The following NFYC variants were observed in gnomAD, a reference collection of about 807,000 sequenced individuals.
NFYC encodes the protein CAAT box DNA-binding protein subunit C.
NFYC carries 25 observed loss-of-function variants against 53.1 expected under a neutral mutation model. The observed-to-expected ratio is 0.47, with a 90% CI of 0.34 to 0.66. The LOEUF (loss-of-function observed/expected upper bound fraction) is 0.66, where lower values mean the gene tolerates loss of function less well. Among genes scored for constraint, NFYC ranks in the 30% least tolerant of loss-of-function variants. NFYC has a pLI of 0.01. For synonymous variants in NFYC, 145 were observed against 152.6 expected, an observed-to-expected ratio of 0.95 and a Z score of 0.37; for missense variants, 260 against 422.7, an observed-to-expected ratio of 0.62 and a Z score of 3.38.
At chr1:40,715,247 A>AAC (rs1197459640) in intron 1 of NFYC, among the ~76,000 whole-genome samples, 1 of 151,732 alleles carries the variant, frequency 6.6e-6, no homozygotes, top group Non-Finnish European at 1.5e-5. Flanking sequence ...TTACTAAAAA[A>AAC]ACACCGAAAT....
rs759177612 is a variant in NFYC at position 40,754,332 on chromosome 1, C to T, written c.387+1086C>T. The T allele has an allele frequency of 1.7e-5, 9 of 534,464 alleles. No homozygotes were observed. The East Asian group carries it at 4.9e-4, about 29-fold the overall frequency. The allele number at this position is 534,464 out of a possible 1,614,324, so 33.1% of individuals were successfully genotyped here. ...ACCTCCTTACTAGAGTAGGGTGTGC[C>T]TCACTGCGTCTCCGTTCTTTCTGGG... On this transcript the variant is annotated intron_variant, in intron 5 of 9. Transcript: ENST00000447388.
In NFYC at chr1:40,770,367, A is replaced by G. The variant is rs757249406; in HGVS notation, c.889-342A>G. ...ATGCTGACTTCCAAGCTGCTGGTAC[A>G]GTGGTTCGAATTGCTTGTGTTTGCC... On this transcript the variant is annotated intron_variant, in intron 9 of 9. Transcript: ENST00000447388. This position sits in a 1 kb window ranked among gnomAD's most constrained non-coding sequence, Gnocchi z 5.3. The G allele has an allele frequency of 3.3e-6, 5 of 1,528,054 alleles. No individual in the cohort carries two copies. The highest frequency in any genetic ancestry group is 4.4e-6 in the Non-Finnish European group (5 of 1,131,996). The allele number at this position is 1,528,054 out of a possible 1,614,324, so 94.7% of individuals were successfully genotyped here.
At chr1:40,701,615 C>G (rs1380037420) in intron 1 of NFYC, among the ~76,000 whole-genome samples, 1 of 152,146 alleles carries the variant, frequency 6.6e-6, no homozygotes, top group Non-Finnish European at 1.5e-5. Flanking sequence ...TTATGTCCTC[C>G]CATAGCATTT....
intron 1 of NFYC, among the ~76,000 whole-genome samples, chr1:40,714,724 C>T (rs1644060609): frequency 1.4e-5 from 1 of 73,088 alleles, no homozygotes; most frequent in Non-Finnish European, 3.8e-5. Context: ...AAGCAGTCCT[C>T]CCACCTCAGC....
intron 6 of NFYC, among the ~76,000 whole-genome samples, chr1:40,762,532 A>G (rs190449518): frequency 1.3e-5 from 2 of 152,242 alleles, no homozygotes; most frequent in East Asian, 3.9e-4. Context: ...GACTTTGGCT[A>G]TTTCTGAAGT....
intron 1 of NFYC, among the ~76,000 whole-genome samples, chr1:40,718,959 C>T (rs933551123): frequency 6.6e-5 from 10 of 152,200 alleles, no homozygotes; most frequent in Non-Finnish European, 1.5e-4. Context: ...GCAACCTCTG[C>T]CTCCCAGGTT....
intron 2 of NFYC, among the ~76,000 whole-genome samples, chr1:40,747,329 A>G (rs147639236): frequency 1.3e-3 from 203 of 151,160 alleles, no homozygotes; most frequent in African/African-American, 4.9e-3. Context: ...TCTAAAGCCC[A>G]TTAATTCTTT....
Position 40,769,336 on chromosome 1 carries a change from T to C in NFYC, c.829-20T>C. 2 of 1,613,694 alleles carry C rather than the reference T, an allele frequency of 1.2e-6. No homozygotes were observed. The highest frequency in any genetic ancestry group is 1.7e-6 in the Non-Finnish European group (2 of 1,179,654). On this transcript the variant is annotated intron_variant, in intron 8 of 9. Coordinates refer to ENST00000447388, the MANE Select transcript of NFYC (RefSeq NM_014223.5). ...GACCCTGCAGCTGACATACCAACTC[T>C]ACCATCTTGATTCTTACAGATTACA...
chr1:40,743,601 T>G (rs1300799397), intron 2 of NFYC, among the ~76,000 whole-genome samples: 1 of 152,232 alleles, frequency 6.6e-6, no homozygotes, highest in Admixed American at 6.5e-5. Context: ...GGCAGTTTCA[T>G]CTTTTCATTC....
chr1:40,695,634 T>G (rs1557723109), intron 1 of NFYC: 1 of 152,262 alleles, frequency 6.6e-6, no homozygotes, highest in Non-Finnish European at 1.5e-5. Context: ...TTAGCCAGGC[T>G]GGTCTTCAAC....
At chr1:40,694,833 C>G (rs1428719318) in intron 1 of NFYC, among the ~76,000 whole-genome samples, 1 of 152,140 alleles carries the variant, frequency 6.6e-6, no homozygotes, top group Non-Finnish European at 1.5e-5. Flanking sequence ...TTGTGAACCT[C>G]AGCTTTTTCT....
intron 2 of NFYC, among the ~76,000 whole-genome samples, chr1:40,739,467 GTCTTATGCATA>G (rs1300466879): frequency 2.0e-5 from 3 of 152,070 alleles, no homozygotes; most frequent in African/African-American, 7.2e-5. Flanking sequence ...GTGAGGGGCC[GTCTTATGCATA>G]ACAGCATGTT....
intron 1 of NFYC, among the ~76,000 whole-genome samples, chr1:40,699,668 G>A (rs903176316): frequency 6.6e-6 from 1 of 152,110 alleles, no homozygotes; most frequent in African/African-American, 2.4e-5. Context: ...AAAGGAAAAC[G>A]CCATAATGTG....
At chr1:40,760,573 G>T (rs1646488186) in intron 6 of NFYC, among the ~76,000 whole-genome samples, 1 of 152,042 alleles carries the variant, frequency 6.6e-6, no homozygotes, top group South Asian at 2.1e-4. Flanking sequence ...ACAAAAATTA[G>T]CCGGGCGTGG....
chr1:40,705,310 T>G (rs1048933118), intron 1 of NFYC, among the ~76,000 whole-genome samples: 2 of 116,430 alleles, frequency 1.7e-5, no homozygotes, highest in African/African-American at 6.7e-5. Flanking sequence ...ACCCTTCACA[T>G]GAGCTGCTTT....
chr1:40,706,972 C>A (rs765400492), intron 1 of NFYC, among the ~76,000 whole-genome samples: 1 of 151,892 alleles, frequency 6.6e-6, no homozygotes, highest in African/African-American at 2.4e-5. Context: ...GAGTTTGAAA[C>A]CACCCTGGCC....
At chr1:40,738,012 C>G (rs1340845167) in intron 1 of NFYC, among the ~76,000 whole-genome samples, 1 of 150,360 alleles carries the variant, frequency 6.7e-6, no homozygotes, top group Non-Finnish European at 1.5e-5. Context: ...ACGCCATTCT[C>G]CTGCCTCAGC....
chr1:40,697,039 C>T lies in NFYC; in HGVS notation c.-9+5172C>T, dbSNP rs557343538. Among the ~76,000 whole-genome samples the T allele has an allele frequency of 3.3e-5, 5 of 152,242 alleles. No individual in the cohort carries two copies. In the South Asian group the frequency reaches 1.0e-3, roughly 32 times the overall value. On this transcript the variant is annotated intron_variant, in intron 1 of 9. Coordinates refer to ENST00000447388, the MANE Select transcript of NFYC (RefSeq NM_014223.5). ...GTATTAGTTGCTGATTGGAGTCAGA[C>T]CAAGGGAAGAGTTCTGTCTCTGCAG...
rs867181993 is a variant in NFYC, at chr1:40,724,283, G to A, written c.-8-14553G>A. On this transcript the variant is annotated intron_variant, in intron 1 of 9. Coordinates refer to ENST00000447388, the MANE Select transcript of NFYC (RefSeq NM_014223.5). Reference sequence around the variant, plus strand: ...CTTGGGAGGCTGAGGTGGGAGAATCGCTTGAACCCGGGAGGTGGAGGTTGC... The same window carrying A: ...CTTGGGAGGCTGAGGTGGGAGAATCACTTGAACCCGGGAGGTGGAGGTTGC... Among the ~76,000 whole-genome samples the A allele has an allele frequency of 4.6e-5, 7 of 152,120 alleles. 1 individual carries two copies. Among genetic ancestry groups the A allele is most frequent in the South Asian group, 2.1e-4 (1 of 4,830 alleles).
Sources: gnomAD v4.1 joint callset for allele counts (sites outside exome capture counted in the v4.1 genomes callset) on GRCh38, gnomAD v4.1.1 for gene constraint, Gnocchi (gnomAD v3.1) non-coding constraint, MANE v1.5 for transcripts, NCBI Gene and HGNC (gene_info 2026-07-23, HGNC 2026-07-21) for gene names.